Variants in ANKS1B observed in about 807,000 individuals in gnomAD.
The protein encoded by ANKS1B is ankyrin repeat and sterile alpha motif domain-containing protein 1B.
ANKS1B carries 36 observed loss-of-function variants against 148.3 expected under a neutral mutation model. The observed-to-expected ratio is 0.24, with a 90% CI of 0.19 to 0.32. The LOEUF is 0.32. ANKS1B is among the 10% of genes least tolerant of loss of function. The pLI, the probability that ANKS1B is intolerant of heterozygous loss-of-function variation, is 1.00. For missense variants in ANKS1B, 1,157 were observed against 1,542.6 expected, an observed-to-expected ratio of 0.75 and a Z score of 4.19; for synonymous variants, 542 against 560.8, an observed-to-expected ratio of 0.97 and a Z score of 0.47.
intron 1 of ANKS1B, among the ~76,000 whole-genome samples, chr12:99,949,848 T>C (rs2095168676): frequency 6.6e-6 from 1 of 152,078 alleles, no homozygotes; most frequent in Admixed American, 6.6e-5. Flanking sequence ...CACCCTATAA[T>C]AGCAAAGACT....
At chr12:99,346,035 T>G (rs1235830196) in intron 12 of ANKS1B, among the ~76,000 whole-genome samples, 1 of 151,974 alleles carries the variant, frequency 6.6e-6, no homozygotes, top group East Asian at 2.0e-4. Flanking sequence ...CCTTACTTAA[T>G]TTGGAGAACA....
intron 12 of ANKS1B, among the ~76,000 whole-genome samples, chr12:99,356,020 A>T (rs1459909464): frequency 1.3e-5 from 2 of 152,160 alleles, no homozygotes; most frequent in African/African-American, 4.8e-5. Flanking sequence ...GAAAAGTTTA[A>T]TGTATAAAGA....
chr12:99,078,776 C>T (rs936261469), intron 16 of ANKS1B, among the ~76,000 whole-genome samples: 2 of 151,660 alleles, frequency 1.3e-5, no homozygotes, highest in South Asian at 2.1e-4. Context: ...TGGTCCCCAC[C>T]GTCTGGTATT....
intron 12 of ANKS1B, among the ~76,000 whole-genome samples, chr12:99,296,498 T>C (rs1267055096): frequency 2.0e-5 from 3 of 152,190 alleles, no homozygotes; most frequent in South Asian, 2.1e-4. Context: ...GGCTGGCTCC[T>C]TTGTATCATT....
At chr12:98,841,751 G>GA (rs1349903474) in intron 17 of ANKS1B, among the ~76,000 whole-genome samples, 45 of 150,362 alleles carry the variant, frequency 3.0e-4, no homozygotes, top group African/African-American at 8.3e-4. Context: ...TCAAAAAGAG[G>GA]AAAAAAAAAG....
intron 17 of ANKS1B, among the ~76,000 whole-genome samples, chr12:98,843,577 GACAA>G (rs543097486): frequency 2.2e-3 from 333 of 152,274 alleles, no homozygotes; most frequent in Admixed American, 3.7e-3. Context: ...AACAGACTAG[GACAA>G]ACAAAGCGAC....
Position 99,771,547 on chromosome 12 carries a change from T to C in ANKS1B, c.1128+1375A>G, listed in dbSNP as rs1018656121. ...CAAGGAAATATTAAAATGTAACTGA[T>C]TGGTAACCTGGAGACAGCATACACC... is the stretch of plus-strand genomic sequence containing the variant. On this transcript the variant is annotated intron_variant, in intron 8 of 26. Coordinates refer to ENST00000683438, the MANE Select transcript of ANKS1B (RefSeq NM_001352186.2). Among the ~76,000 whole-genome samples the C allele has an allele frequency of 2.6e-5, 4 of 152,062 alleles. No individual in the cohort carries two copies. The South Asian group carries it at 6.2e-4, about 24-fold the overall frequency.
intron 10 of ANKS1B, among the ~76,000 whole-genome samples, chr12:99,461,241 A>G (rs886685371): frequency 6.6e-6 from 1 of 152,182 alleles, no homozygotes; most frequent in Non-Finnish European, 1.5e-5. Flanking sequence ...ATGCAAAGGC[A>G]TAAGAATGAT....
In ANKS1B at chr12:98,751,122, G is replaced by A. The variant is rs2098079763; in HGVS notation, c.3747+233C>T. Among the ~76,000 whole-genome samples the A allele has an allele frequency of 6.6e-6, 1 of 152,190 alleles. No homozygotes were observed. The highest frequency in any genetic ancestry group is 1.5e-5 in the Non-Finnish European group (1 of 68,030). ...TGAGACCCTTCATAGGGTTGCTGCAGGTGACTGAGAAAGTGGATTTCTCTG... is the reference window on the plus strand; with the variant it reads ...TGAGACCCTTCATAGGGTTGCTGCAAGTGACTGAGAAAGTGGATTTCTCTG... On this transcript the variant is annotated intron_variant, in intron 26 of 26. Coordinates refer to ENST00000683438, the MANE Select transcript of ANKS1B (RefSeq NM_001352186.2). This position sits in a 1 kb window ranked among gnomAD's most constrained non-coding sequence, Gnocchi z 4.3.
intron 8 of ANKS1B, among the ~76,000 whole-genome samples, chr12:99,764,263 C>G (rs549075078): frequency 6.6e-6 from 1 of 152,260 alleles, no homozygotes; most frequent in South Asian, 2.1e-4. Context: ...AAAGATGATT[C>G]ATGCATAATT....
intron 10 of ANKS1B, among the ~76,000 whole-genome samples, chr12:99,449,978 C>T (rs1051111906): frequency 2.6e-5 from 4 of 151,956 alleles, no homozygotes; most frequent in African/African-American, 4.8e-5. Flanking sequence ...GGCATTAGCT[C>T]ATATAATTAA....
chr12:99,258,048 T>C (rs1003549726), intron 12 of ANKS1B, among the ~76,000 whole-genome samples: 3 of 152,186 alleles, frequency 2.0e-5, no homozygotes, highest in African/African-American at 7.2e-5. Flanking sequence ...ACTGACATAA[T>C]ACTTTGAAGC....
chr12:99,286,511 T>C (rs988581366), intron 12 of ANKS1B, among the ~76,000 whole-genome samples: 11 of 151,974 alleles, frequency 7.2e-5, no homozygotes, highest in African/African-American at 1.9e-4. Context: ...AGAATCCTGT[T>C]TGAGGAAAGG....
chr12:99,468,147 T>C (rs1595416795), intron 10 of ANKS1B, among the ~76,000 whole-genome samples: 4 of 150,010 alleles, frequency 2.7e-5, no homozygotes, highest in South Asian at 2.1e-4. Context: ...TATCTACAAC[T>C]ATCTGATCTT....
chr12:98,869,743 A>G (rs2099643783), intron 17 of ANKS1B, among the ~76,000 whole-genome samples: 1 of 151,994 alleles, frequency 6.6e-6, no homozygotes, highest in Non-Finnish European at 1.5e-5. Context: ...TAACATTTAG[A>G]TGTTAATGTT....
chr12:99,856,869 A>T (rs1447906342), intron 1 of ANKS1B, among the ~76,000 whole-genome samples: 3 of 152,154 alleles, frequency 2.0e-5, no homozygotes, highest in African/African-American at 7.2e-5. Flanking sequence ...AAATTGGCGT[A>T]AAAGGGACAT....
At chr12:99,393,063 GTAGA>G (rs1409073182) in intron 12 of ANKS1B, among the ~76,000 whole-genome samples, 10 of 151,600 alleles carry the variant, frequency 6.6e-5, no homozygotes, top group East Asian at 1.9e-4. Context: ...AAATATATAT[GTAGA>G]TAGATTGATA....
At chr12:99,297,146 G>A (rs1419957626) in intron 12 of ANKS1B, among the ~76,000 whole-genome samples, 1 of 151,992 alleles carries the variant, frequency 6.6e-6, no homozygotes, top group African/African-American at 2.4e-5. Flanking sequence ...CAGATAAAAG[G>A]CAGAAAGTTT....
At chr12:99,127,054 G>A (rs1460225064) in intron 15 of ANKS1B, among the ~76,000 whole-genome samples, 1 of 152,154 alleles carries the variant, frequency 6.6e-6, no homozygotes, top group Non-Finnish European at 1.5e-5. Context: ...GTAAAAAGAG[G>A]TTATTTCTTG....
Sources: allele counts gnomAD v4.1 joint callset (sites outside exome capture counted in the v4.1 genomes callset), GRCh38; gene constraint gnomAD v4.1.1; non-coding constraint Gnocchi (gnomAD v3.1); transcripts MANE v1.5; gene names NCBI Gene and HGNC (gene_info 2026-07-23, HGNC 2026-07-21).